The following DRICH1 variants were observed in gnomAD, a reference collection of about 807,000 sequenced individuals.
DRICH1 encodes the protein aspartate rich 1.
DRICH1 carries 38 observed loss-of-function variants against 39.5 expected under a neutral mutation model. That is an observed-to-expected ratio of 0.96 (90% CI 0.74 to 1.26). The LOEUF (loss-of-function observed/expected upper bound fraction) is 1.26. DRICH1 is among the 50% of genes most tolerant of loss of function. The pLI, the probability that DRICH1 is intolerant of heterozygous loss-of-function variation, is 0.00. For missense variants in DRICH1, 279 were observed against 270.4 expected, an observed-to-expected ratio of 1.03 and a Z score of -0.22; for synonymous variants, 84 against 99.5, an observed-to-expected ratio of 0.84 and a Z score of 0.93.
At chr22:23,621,925 AAAC>A (rs542811286) in intron 4 of DRICH1, among the ~76,000 whole-genome samples, 163 bp downstream of exon 4, 28 of 152,120 alleles carry the variant, frequency 1.8e-4, no homozygotes, top group Non-Finnish European at 3.5e-4. Flanking sequence ...AAACAAAACA[AAAC>A]AAAAAAAGAA....
the DRICH1 span, among the ~76,000 whole-genome samples, chr22:23,599,563 G>A: frequency 6.6e-6 from 1 of 152,312 alleles, no homozygotes; most frequent in South Asian, 2.1e-4. Flanking sequence ...ACAGGTTCTA[G>A]GGTCTCTGAG....
At chr22:23,607,914 G>A (rs1198850889), downstream of DRICH1, among the ~76,000 whole-genome samples, 1 of 152,212 alleles carries the variant, frequency 6.6e-6, no homozygotes, top group African/African-American at 2.4e-5. Flanking sequence ...CACAGCAGGG[G>A]AGCTTTGGCC....
chr22:23,619,014 C>T (rs910241858), intron 6 of DRICH1, among the ~76,000 whole-genome samples: 2 of 151,570 alleles, frequency 1.3e-5, no homozygotes, highest in Non-Finnish European at 2.9e-5. Flanking sequence ...TCTACTAAAT[C>T]TTCAAAAATT....
chr22:23,624,911 T>C lies in DRICH1; in HGVS notation c.277-7A>G, dbSNP rs759702451. Reference sequence around the variant, plus strand: ...GGACAGGTGATGGTAAAATCTGCAATGAGACAAAAGAAGATGCTATGAGGA... The same window carrying C: ...GGACAGGTGATGGTAAAATCTGCAACGAGACAAAAGAAGATGCTATGAGGA... On this transcript the variant is annotated splice_region_variant and splice_polypyrimidine_tract_variant and intron_variant, in intron 2 of 11. Transcript: ENST00000317749. 31 of 1,613,286 alleles carry C rather than the reference T, an allele frequency of 1.9e-5. No homozygotes were observed. The highest frequency in any genetic ancestry group is 2.7e-5 in the African/African-American group (2 of 74,900).
chr22:23,627,010 A>G (rs1928103809), intron 1 of DRICH1, among the ~76,000 whole-genome samples: 3 of 151,316 alleles, frequency 2.0e-5, no homozygotes, highest in Admixed American at 1.3e-4. Flanking sequence ...AAATCTCTCC[A>G]CTTCATTAAC....
chr22:23,614,254 G>A, intron 8 of DRICH1, 40 bp from the exon 9 acceptor site: 1 of 1,474,616 alleles, frequency 6.8e-7, no homozygotes, highest in Non-Finnish European at 9.5e-7. Context: ...ACCGGTGGTT[G>A]GTGACTCTGA....
intron 5 of DRICH1, among the ~76,000 whole-genome samples, chr22:23,620,227 G>C (rs1249075631): frequency 1.3e-4 from 20 of 151,948 alleles, no homozygotes; most frequent in Admixed American, 1.3e-3. Flanking sequence ...TAACATGAAG[G>C]TTCCTGGAAA....
At chr22:23,596,280 C>CCCTTTT in the DRICH1 span, among the ~76,000 whole-genome samples, 46 of 152,162 alleles carry the variant, frequency 3.0e-4, 1 homozygote, top group South Asian at 9.3e-3. Context: ...CTTCCCCTTC[C>CCCTTTT]CCTTTTGACA....
chr22:23,596,864 T>C, the DRICH1 span, among the ~76,000 whole-genome samples: 2 of 152,104 alleles, frequency 1.3e-5, no homozygotes, highest in South Asian at 2.1e-4. Flanking sequence ...TTGTCAGGTC[T>C]AGCTGATTTA....
Position 23,608,867 on chromosome 22 carries a change from G to C in DRICH1, c.686-99C>G, listed in dbSNP as rs117333275. 527 of 1,309,306 alleles carry C rather than the reference G, an allele frequency of 4.0e-4. 3 individuals carry two copies. In the East Asian group the frequency reaches 0.012, roughly 30 times the overall value. The allele number at this position is 1,309,306 out of a possible 1,614,324, so 81.1% of individuals were successfully genotyped here. A position where few individuals can be genotyped will look rare whatever the true frequency, so the allele number is the denominator to read the frequency against. On this transcript the variant is annotated intron_variant, in intron 11 of 11. Transcript: ENST00000317749. ...GCAGCCTCCACGCCAGCATCCCTGGGCTCCCGCCTCTGCAGTCCAGGCTGA... is the reference window on the plus strand; with the variant it reads ...GCAGCCTCCACGCCAGCATCCCTGGCCTCCCGCCTCTGCAGTCCAGGCTGA...
At chr22:23,621,967 A>G in intron 4 of DRICH1, 124 bp downstream of exon 4, 1 of 872,264 alleles carries the variant, frequency 1.1e-6, no homozygotes, top group Non-Finnish European at 1.8e-6. Context: ...CAAAGAAAGG[A>G]AAGAAAATCT....
At position 23,617,656 on chromosome 22, in the gene DRICH1, A is replaced by G. The variant is rs1271603927; in HGVS notation, c.438T>C (p.Cys146=). 6.2e-7 allele frequency: 1 copy of G among 1,613,984 alleles called. No homozygotes were observed. Among genetic ancestry groups the G allele is most frequent in the African/African-American group, 1.3e-5 (1 of 74,902 alleles). The change falls in exon 7 of 12, where the codon TGT becomes TGC. Residue 146 remains cysteine, a splice_region_variant and synonymous_variant. Coordinates refer to ENST00000317749, the MANE Select transcript of DRICH1 (RefSeq NM_016449.4). ...GGCYRFDSSS[C]SSEDNLSLVC... is the part of the protein sequence containing the mutation. ...CTAAACTCAGGTTGTCCTCAGAAGA[A>G]CCTGGAAGCACACAGAGGAAAGATC...
chr22:23,631,388 C>A (rs1928374081), intron 1 of DRICH1, among the ~76,000 whole-genome samples: 1 of 151,568 alleles, frequency 6.6e-6, no homozygotes, highest in Admixed American at 6.6e-5. Context: ...TGCACTCCAG[C>A]CTGGGCAACA....
chr22:23,615,334 C>A (rs1400023430), intron 8 of DRICH1, among the ~76,000 whole-genome samples: 1 of 152,168 alleles, frequency 6.6e-6, no homozygotes, highest in East Asian at 1.9e-4. Context: ...CGCGATCACG[C>A]CATTGCACTC....
intron 3 of DRICH1, chr22:23,624,383 A>C: frequency 1.0e-6 from 1 of 968,614 alleles, no homozygotes; most frequent in Non-Finnish European, 1.2e-6. Context: ...TAGCCCATAA[A>C]CATAATACTT....
In DRICH1 at chr22:23,623,615, T is replaced by G. The variant is rs1338981745; in HGVS notation, c.298+1268A>C. On this transcript the variant is annotated intron_variant, in intron 3 of 11. Coordinates refer to ENST00000317749, the MANE Select transcript of DRICH1 (RefSeq NM_016449.4). ...TACAGATTAACAACTGCTATCAAAC[T>G]GGTAACAGCCATGTGTGCAGAAATG... Among the ~76,000 whole-genome samples, 4 of 151,272 alleles carry G rather than the reference T, an allele frequency of 2.6e-5. No individual in the cohort carries two copies. In the East Asian group the frequency reaches 7.7e-4, roughly 29 times the overall value.
chr22:23,610,979 C>A (rs952512181), intron 11 of DRICH1, among the ~76,000 whole-genome samples: 2 of 151,032 alleles, frequency 1.3e-5, no homozygotes, highest in East Asian at 1.9e-4. Context: ...GCTCTATGGA[C>A]GCATAACCCT....
At chr22:23,592,407 C>T in the DRICH1 span, among the ~76,000 whole-genome samples, 1 of 151,674 alleles carries the variant, frequency 6.6e-6, no homozygotes, top group Admixed American at 6.6e-5. Flanking sequence ...GGGGGCGGTC[C>T]ATGAATTAGA....
At chr22:23,604,700 C>CAGAAA (rs1280575820), downstream of DRICH1, among the ~76,000 whole-genome samples, 5 of 152,174 alleles carry the variant, frequency 3.3e-5, no homozygotes, top group African/African-American at 1.2e-4. Flanking sequence ...GGCTGCAAGG[C>CAGAAA]CCTCACCAAT....
Sources: gnomAD v4.1 joint callset for allele counts (sites outside exome capture counted in the v4.1 genomes callset) on GRCh38, gnomAD v4.1.1 for gene constraint, MANE v1.5 for transcripts, NCBI Gene and HGNC (gene_info 2026-07-23, HGNC 2026-07-21) for gene names.